MED16: variants seen among roughly 807,000 people sequenced by gnomAD.
MED16 encodes the protein mediator complex subunit 16, also known as mediator of RNA polymerase II transcription subunit 16.
A neutral mutation model predicts 84.4 loss-of-function variants in MED16; 81 were observed. The ratio of observed to expected loss-of-function variants is 0.96; its 90% CI spans 0.80 to 1.15. The LOEUF (loss-of-function observed/expected upper bound fraction) is 1.15. Among genes scored for constraint, MED16 ranks in the 50% most tolerant of loss-of-function variants. The pLI is 0.00. For missense variants in MED16, 1,585 were observed against 1,245.9 expected (o/e 1.27, Z -4.10); for synonymous variants, 897 against 552.2 (o/e 1.62, Z -8.76).
In MED16 at chr19:877,574, G is replaced by A. The variant is rs2036280233; in HGVS notation, c.1354-394C>T. ...CCCATCACACAGACAAGGCAGCGCA[G>A]GCAGGGGCTGGCGAGGGGCTTGCAC... On this transcript the variant is annotated intron_variant, in intron 8 of 15. Coordinates refer to ENST00000325464, the MANE Select transcript of MED16 (RefSeq NM_005481.3). Among the ~76,000 whole-genome samples, 2 of 152,262 alleles carry A rather than the reference G, an allele frequency of 1.3e-5. 1 individual carries two copies. The highest frequency in any genetic ancestry group is 4.1e-4 in the South Asian group (2 of 4,834).
chr19:891,244 T>C (rs2036625776), intron 1 of MED16, 95 bp from the exon 2 acceptor site: 2 of 1,253,292 alleles, frequency 1.6e-6, no homozygotes, highest in Non-Finnish European at 1.1e-6. Context: ...TGGAGGCCCG[T>C]GGTAGAGGGA....
chr19:876,880 C>CCCCCACCTGCCACCGGG, intron 9 of MED16, 94 bp downstream of exon 9: 1 of 1,133,808 alleles, frequency 8.8e-7, no homozygotes, highest in Non-Finnish European at 1.2e-6. Context: ...TGCCACGGGG[C>CCCCCACCTGCCACCGGG]CCCCACCTGC....
At chr19:869,208 G>A (rs2035988996) in intron 13 of MED16, among the ~76,000 whole-genome samples, 1 of 152,158 alleles carries the variant, frequency 6.6e-6, no homozygotes, top group Admixed American at 6.5e-5. Flanking sequence ...CCCAGTAAAG[G>A]GGACGGGGCC....
intron 4 of MED16, among the ~76,000 whole-genome samples, chr19:889,170 C>T (rs1599345259): frequency 7.1e-6 from 1 of 141,768 alleles, no homozygotes; most frequent in East Asian, 2.0e-4. Context: ...ACCCTGGCCA[C>T]GCCTATCTTA....
chr19:883,404 C>T (rs1015872230), intron 6 of MED16, among the ~76,000 whole-genome samples: 1 of 132,766 alleles, frequency 7.5e-6, no homozygotes, highest in Non-Finnish European at 1.6e-5. Flanking sequence ...TGGCGGGGAC[C>T]GAAGCCTGGC....
chr19:876,156 T>A (rs2036224101), intron 9 of MED16, among the ~76,000 whole-genome samples: 1 of 152,084 alleles, frequency 6.6e-6, no homozygotes, highest in Non-Finnish European at 1.5e-5. Context: ...TCCCATTTTA[T>A]CTTCGTATTG....
intron 13 of MED16, among the ~76,000 whole-genome samples, chr19:869,724 G>A (rs1414372761): frequency 6.6e-6 from 1 of 152,192 alleles, no homozygotes; most frequent in Non-Finnish European, 1.5e-5. Context: ...CAGGGCTGCT[G>A]GAGGTTCACT....
chr19:872,238 T>C, intron 11 of MED16, 120 bp from the exon 12 acceptor site: 1 of 823,108 alleles, frequency 1.2e-6, no homozygotes, highest in Non-Finnish European at 1.9e-6. Flanking sequence ...GGGACATTTG[T>C]GGTGGTCAGG....
At chr19:874,305 G>T (rs1403051281) in intron 10 of MED16, among the ~76,000 whole-genome samples, 1 of 152,052 alleles carries the variant, frequency 6.6e-6, no homozygotes, top group Non-Finnish European at 1.5e-5. Context: ...GTAGAGACGG[G>T]GTTTCACCGT....
At chr19:889,287 T>A (rs758696704) in intron 4 of MED16, among the ~76,000 whole-genome samples, 5 of 152,064 alleles carry the variant, frequency 3.3e-5, no homozygotes, top group Non-Finnish European at 7.4e-5. Flanking sequence ...GTGGGCTGCA[T>A]TCAGAAGACA....
chr19:892,889 GCCCC>G (rs2036669133), intron 1 of MED16, 193 bp downstream of exon 1: 1 of 9,406 alleles, frequency 1.1e-4, no homozygotes, highest in African/African-American at 3.6e-4. Flanking sequence ...CGAGCCCCGC[GCCCC>G]GCGCCCCGCG....
intron 4 of MED16, among the ~76,000 whole-genome samples, chr19:887,333 A>T (rs1474067044): frequency 6.6e-6 from 1 of 152,148 alleles, no homozygotes. Flanking sequence ...GTCTGAGACT[A>T]TGTTAAAGGA....
chr19:878,336 C>T (rs1599329839), intron 8 of MED16, among the ~76,000 whole-genome samples: 10 of 107,252 alleles, frequency 9.3e-5, no homozygotes, highest in African/African-American at 1.5e-4. Flanking sequence ...AGCTCACCTT[C>T]CCGTGGTTGT....
chr19:876,680 T>C (rs371520838), intron 9 of MED16, among the ~76,000 whole-genome samples: 25 of 151,896 alleles, frequency 1.6e-4, no homozygotes, highest in African/African-American at 5.8e-4. Context: ...CCGCCTGCCA[T>C]AGAGCCCCCA....
chr19:888,838 G>C (rs978773684), intron 4 of MED16, among the ~76,000 whole-genome samples: 1 of 152,182 alleles, frequency 6.6e-6, no homozygotes, highest in African/African-American at 2.4e-5. Flanking sequence ...AAAAGATCTT[G>C]TCCACTGCAT....
intron 1 of MED16, among the ~76,000 whole-genome samples, chr19:891,490 G>T (rs1166125908): frequency 1.3e-5 from 2 of 152,048 alleles, no homozygotes; most frequent in Admixed American, 6.5e-5. Context: ...GCTGGCCCAG[G>T]TGAGTGATGA....
intron 11 of MED16, among the ~76,000 whole-genome samples, chr19:872,496 G>C (rs1488919322): frequency 6.6e-6 from 1 of 152,078 alleles, no homozygotes; most frequent in Admixed American, 6.5e-5. Context: ...GAGGCCCCAG[G>C]GGTGGCCCCT....
At position 880,050 on chromosome 19, in the gene MED16, C is replaced by T. The variant is rs988654422; in HGVS notation, c.1240G>A (p.Val414Met). The change falls in exon 8 of 16, where the codon GTG becomes ATG. Residue 414 changes from valine to methionine, a missense_variant. By Grantham distance (21) the Val-to-Met change is conservative (BLOSUM62 1). Coordinates refer to ENST00000325464, the MANE Select transcript of MED16 (RefSeq NM_005481.3). ...VFYSSAAPRP[V>M]DEPAMKRPRT... ...GGGCGCTTCATGGCCGGCTCATCCA[C>T]AGGCCTCGGGGCCGCGGAGCTGTAG... is the stretch of plus-strand genomic sequence containing the variant. 2 of 1,611,060 alleles carry T rather than the reference C, an allele frequency of 1.2e-6. No individual in the cohort carries two copies. The highest frequency in any genetic ancestry group is 1.7e-5 in the Admixed American group (1 of 59,888).
intron 8 of MED16, 114 bp from the exon 9 acceptor site, chr19:877,294 C>CA: frequency 2.1e-6 from 2 of 959,790 alleles, no homozygotes; most frequent in Non-Finnish European, 1.5e-6. Context: ...GCGCGCACGC[C>CA]CGTGTGTGGG....
Sources: gnomAD v4.1 joint callset for allele counts (sites outside exome capture counted in the v4.1 genomes callset) on GRCh38, gnomAD v4.1.1 for gene constraint, MANE v1.5 for transcripts, NCBI Gene and HGNC (gene_info 2026-07-23, HGNC 2026-07-21) for gene names.